The following B3GALT1 variants were observed in gnomAD, a reference collection of about 807,000 sequenced individuals.
The protein encoded by B3GALT1 is beta-1,3-galactosyltransferase 1.
Under a neutral mutation model 23.2 loss-of-function variants are expected in B3GALT1, and 10 were observed. That is an observed-to-expected ratio of 0.43 (90% confidence interval 0.27 to 0.73). The LOEUF (loss-of-function observed/expected upper bound fraction) is 0.73. Among genes scored for constraint, B3GALT1 ranks in the 30% least tolerant of loss-of-function variants. The pLI is 0.21. For missense variants in B3GALT1, 299 were observed against 405.4 expected (o/e 0.74, Z 2.25); for synonymous variants, 156 against 141.5 (o/e 1.10, Z -0.73).
chr2:167,780,168 A>C (rs570746981), intron 3 of B3GALT1, among the ~76,000 whole-genome samples: 22 of 152,324 alleles, frequency 1.4e-4, no homozygotes, highest in African/African-American at 5.0e-4. Flanking sequence ...TCAAGAGTTC[A>C]AATAAGTTTT....
chr2:167,868,267 G>C (rs950592213), intron 4 of B3GALT1, among the ~76,000 whole-genome samples: 2 of 152,204 alleles, frequency 1.3e-5, no homozygotes, highest in African/African-American at 4.8e-5. Flanking sequence ...TTACTTCTAA[G>C]TCTGAACCAA....
chr2:167,533,113 G>A lies in B3GALT1; in HGVS notation c.-410+42836G>A, dbSNP rs139138112. On this transcript the variant is annotated intron_variant, in intron 2 of 4. Transcript: ENST00000392690. Reference sequence around the variant, plus strand: ...TGACATCAGGTGATCTGCCTGCCTCGGCCTCCCAAAGTGCTGGAATTACAG... The same window carrying A: ...TGACATCAGGTGATCTGCCTGCCTCAGCCTCCCAAAGTGCTGGAATTACAG... 2.7e-3 allele frequency among the ~76,000 whole-genome samples: 416 copies of A among 152,028 alleles called. 14 individuals carry two copies. The East Asian group carries it at 0.061, about 22-fold the overall frequency.
intron 3 of B3GALT1, among the ~76,000 whole-genome samples, chr2:167,702,714 C>T (rs528432052): frequency 3.9e-5 from 6 of 152,198 alleles, no homozygotes; most frequent in East Asian, 3.9e-4. Flanking sequence ...TATAATAAAA[C>T]GGAAACAGTG....
chr2:167,728,372 G>T (rs778320433), intron 3 of B3GALT1, among the ~76,000 whole-genome samples: 1 of 152,238 alleles, frequency 6.6e-6, no homozygotes, highest in East Asian at 1.9e-4. Context: ...GGGTGACAGC[G>T]TGAGACTCCA....
intron 1 of B3GALT1, among the ~76,000 whole-genome samples, chr2:167,389,689 C>A (rs1374334471): frequency 6.6e-6 from 1 of 151,952 alleles, no homozygotes; most frequent in Non-Finnish European, 1.5e-5. Flanking sequence ...TAGTCAGAGG[C>A]CCATGGTATG....
At chr2:167,784,261 G>A (rs1688302739) in intron 3 of B3GALT1, among the ~76,000 whole-genome samples, 1 of 152,150 alleles carries the variant, frequency 6.6e-6, no homozygotes, top group South Asian at 2.1e-4. Context: ...CAGGAGATGT[G>A]CACCCCTGCA....
chr2:167,710,080 CTG>C (rs1324004076), intron 3 of B3GALT1, among the ~76,000 whole-genome samples: 2 of 152,156 alleles, frequency 1.3e-5, no homozygotes, highest in Non-Finnish European at 2.9e-5. Flanking sequence ...AGCATTCTAA[CTG>C]TGGTTTATTT....
intron 2 of B3GALT1, among the ~76,000 whole-genome samples, chr2:167,493,405 C>G (rs1462188860): frequency 6.6e-6 from 1 of 152,094 alleles, no homozygotes; most frequent in East Asian, 1.9e-4. Context: ...ACATCAGTTA[C>G]TATAGAAATA....
chr2:167,778,620 G>A (rs1422926563), intron 3 of B3GALT1, among the ~76,000 whole-genome samples: 4 of 151,956 alleles, frequency 2.6e-5, no homozygotes, highest in Non-Finnish European at 5.9e-5. Flanking sequence ...ACAATATTTT[G>A]GCTATTCTCT....
At chr2:167,729,340 C>T (rs944604011) in intron 3 of B3GALT1, among the ~76,000 whole-genome samples, 1 of 152,186 alleles carries the variant, frequency 6.6e-6, no homozygotes, top group African/African-American at 2.4e-5. Context: ...ATGGCACACT[C>T]ATTACTATGC....
chr2:167,516,182 A>AT (rs1431835092), intron 2 of B3GALT1, among the ~76,000 whole-genome samples: 1 of 151,782 alleles, frequency 6.6e-6, no homozygotes, highest in Admixed American at 6.6e-5. Context: ...TTTCAACATA[A>AT]TTTTTTTTCT....
intron 2 of B3GALT1, among the ~76,000 whole-genome samples, chr2:167,560,612 T>C (rs200372076): frequency 6.6e-6 from 1 of 151,894 alleles, no homozygotes; most frequent in East Asian, 1.9e-4. Context: ...TGGAGGAAGA[T>C]CTACCAAGCA....
chr2:167,835,649 A>G (rs1023927364), intron 4 of B3GALT1, among the ~76,000 whole-genome samples: 19 of 152,336 alleles, frequency 1.2e-4, no homozygotes, highest in Admixed American at 1.0e-3. Context: ...GCAGACTTAA[A>G]TGTCCCTGTC....
At chr2:167,382,027 G>GTGGC (rs2105276715) in intron 1 of B3GALT1, among the ~76,000 whole-genome samples, 1 of 152,314 alleles carries the variant, frequency 6.6e-6, no homozygotes, top group East Asian at 1.9e-4. Context: ...CGAACCAAAG[G>GTGGC]TGGCTGATTG....
chr2:167,820,119 C>A (rs534511421), intron 4 of B3GALT1, among the ~76,000 whole-genome samples: 1 of 152,288 alleles, frequency 6.6e-6, no homozygotes, highest in East Asian at 1.9e-4. Flanking sequence ...CGATTGGGTA[C>A]TTTTGAGAAC....
At chr2:167,588,544 A>G (rs978837193) in intron 2 of B3GALT1, among the ~76,000 whole-genome samples, 2 of 152,022 alleles carry the variant, frequency 1.3e-5, no homozygotes, top group Admixed American at 1.3e-4. Flanking sequence ...CATACGAACA[A>G]TGGTTATTAT....
intron 4 of B3GALT1, among the ~76,000 whole-genome samples, chr2:167,862,439 G>A (rs1336475303): frequency 6.6e-6 from 1 of 152,106 alleles, no homozygotes; most frequent in East Asian, 1.9e-4. Flanking sequence ...TCCTATTTAG[G>A]CCTTCAGTGA....
intron 2 of B3GALT1, among the ~76,000 whole-genome samples, chr2:167,633,767 T>C (rs769338141): frequency 2.0e-5 from 3 of 152,188 alleles, no homozygotes; most frequent in Middle Eastern, 3.4e-3. Context: ...TGCCCCACTG[T>C]CAATATTAGA....
chr2:167,703,530 T>C (rs1186176513), intron 3 of B3GALT1, among the ~76,000 whole-genome samples: 5 of 152,168 alleles, frequency 3.3e-5, no homozygotes, highest in Non-Finnish European at 7.3e-5. Context: ...TGGTTGAGCA[T>C]TGCAAAAAGC....
Sources: gnomAD v4.1 joint callset for allele counts (sites outside exome capture counted in the v4.1 genomes callset) on GRCh38, gnomAD v4.1.1 for gene constraint, MANE v1.5 for transcripts, NCBI Gene and HGNC (gene_info 2026-07-23, HGNC 2026-07-21) for gene names.